TMEM131: variants seen among roughly 807,000 people sequenced by gnomAD.
TMEM131 encodes the protein 2610524E03Rik.
Under a neutral mutation model 211.6 loss-of-function variants are expected in TMEM131, and 66 were observed. The observed-to-expected ratio is 0.31, with a 90% CI of 0.26 to 0.38. The LOEUF is 0.38. Ranked by LOEUF, TMEM131 falls within the 10% of genes least tolerant of loss-of-function variation. TMEM131 has a pLI of 1.00. For synonymous variants in TMEM131, 844 were observed against 841.3 expected, an observed-to-expected ratio of 1.00 and a Z score of -0.06; for missense variants, 2,036 against 2,299.3, an observed-to-expected ratio of 0.89 and a Z score of 2.34.
At chr2:97,941,746 A>T (rs924318154) in intron 1 of TMEM131, among the ~76,000 whole-genome samples, 2 of 152,246 alleles carry the variant, frequency 1.3e-5, no homozygotes, top group Non-Finnish European at 2.9e-5. Context: ...ACTGGCCATC[A>T]GAGAAATGCA....
intron 7 of TMEM131, among the ~76,000 whole-genome samples, chr2:97,838,420 CTTAAACTTT>C (rs1683031996): frequency 7.4e-6 from 1 of 134,384 alleles, no homozygotes; most frequent in African/African-American, 2.9e-5. Flanking sequence ...AATTCTTAAG[CTTAAACTTT>C]TTTTTTTTTT....
At chr2:97,778,775 C>T (rs1303949360) in intron 31 of TMEM131, among the ~76,000 whole-genome samples, 1 of 152,154 alleles carries the variant, frequency 6.6e-6, no homozygotes, top group East Asian at 1.9e-4. Flanking sequence ...TAGAATGTAG[C>T]TCCTGCCAGG....
At chr2:97,826,371 G>A (rs988965792) in intron 11 of TMEM131, among the ~76,000 whole-genome samples, 7 of 152,218 alleles carry the variant, frequency 4.6e-5, no homozygotes, top group African/African-American at 1.4e-4. Context: ...AAGAAAGGGA[G>A]TTCCTAACCT....
At chr2:97,913,266 C>A (rs1019443635) in intron 2 of TMEM131, 2 of 152,222 alleles carry the variant, frequency 1.3e-5, no homozygotes, top group East Asian at 3.8e-4. Flanking sequence ...CAGGCCAAGA[C>A]TGAACATCGT....
intron 1 of TMEM131, among the ~76,000 whole-genome samples, chr2:97,994,554 G>A (rs1259443153): frequency 6.6e-6 from 1 of 152,008 alleles, no homozygotes; most frequent in African/African-American, 2.4e-5. Context: ...TTCTTGTACA[G>A]GCAGTTTCAT....
At chr2:97,787,220 C>T (rs7570009) in intron 31 of TMEM131, among the ~76,000 whole-genome samples, 41,206 of 152,166 alleles carry the variant, frequency 0.27, 6,115 homozygotes, top group Middle Eastern at 0.36. Context: ...TCACTACATG[C>T]TGTGTAATGA....
intron 33 of TMEM131, 21 bp downstream of exon 33, chr2:97,772,276 C>A (rs776564195): frequency 6.3e-7 from 1 of 1,592,402 alleles, no homozygotes; most frequent in Admixed American, 1.9e-5. Flanking sequence ...CCTTATTTCT[C>A]TGTACACTTA....
At chr2:97,907,265 C>T (rs967342593) in intron 3 of TMEM131, 5 of 151,970 alleles carry the variant, frequency 3.3e-5, no homozygotes, top group African/African-American at 1.2e-4. Flanking sequence ...CAGGTCCCAA[C>T]AGGGCATATA....
intron 3 of TMEM131, among the ~76,000 whole-genome samples, chr2:97,894,813 C>T (rs1489126077): frequency 6.6e-6 from 1 of 152,118 alleles, no homozygotes; most frequent in African/African-American, 2.4e-5. Flanking sequence ...ATTTCATCTG[C>T]GAACAGAGAC....
intron 5 of TMEM131, among the ~76,000 whole-genome samples, chr2:97,853,077 G>A (rs1055308065): frequency 2.0e-5 from 3 of 152,210 alleles, no homozygotes; most frequent in Non-Finnish European, 2.9e-5. Context: ...TCACCCAGGA[G>A]CTCTGATGAA....
intron 4 of TMEM131, among the ~76,000 whole-genome samples, chr2:97,884,263 A>T (rs1002474488): frequency 6.6e-6 from 1 of 152,124 alleles, no homozygotes; most frequent in Non-Finnish European, 1.5e-5. Flanking sequence ...TCTAGTTTTA[A>T]ATTCCATTGT....
rs771542447 is a variant in TMEM131, at chr2:97,766,113, C to A, written c.4723+1G>T. On this transcript the variant is annotated splice_donor_variant, in intron 35 of 40. Coordinates refer to ENST00000186436, the MANE Select transcript of TMEM131 (RefSeq NM_015348.2). LOFTEE classifies it high-confidence loss of function. ...TGTGGTTTCTAAACTACTATACTTA[C>A]AGCTGCCAGGTTTGTGAACTGGAAC... is the stretch of plus-strand genomic sequence containing the variant. The A allele has an allele frequency of 1.2e-5, 19 of 1,613,856 alleles. No individual in the cohort carries two copies. The highest frequency in any genetic ancestry group is 1.5e-5 in the Non-Finnish European group (18 of 1,179,858).
At chr2:97,831,962 C>T (rs1158350320) in intron 11 of TMEM131, among the ~76,000 whole-genome samples, 2 of 122,816 alleles carry the variant, frequency 1.6e-5, no homozygotes, top group Non-Finnish European at 3.2e-5. Flanking sequence ...GCCACCATGC[C>T]TGGCCTATTT....
intron 24 of TMEM131, 53 bp downstream of exon 24, chr2:97,802,375 A>C (rs1681074383): frequency 4.6e-6 from 6 of 1,307,570 alleles, no homozygotes; most frequent in African/African-American, 1.5e-5. Flanking sequence ...AGTGAATAAA[A>C]TACTAATTCA....
chr2:97,812,336 G>A, intron 17 of TMEM131, 85 bp downstream of exon 17: 1 of 1,411,664 alleles, frequency 7.1e-7, no homozygotes, highest in South Asian at 1.4e-5. Flanking sequence ...AAAAATAATA[G>A]TGATACATGT....
intron 25 of TMEM131, among the ~76,000 whole-genome samples, chr2:97,800,472 G>A (rs1006041441): frequency 6.6e-6 from 1 of 151,970 alleles, no homozygotes; most frequent in East Asian, 1.9e-4. Context: ...AGAGTGGGCC[G>A]GGCACTGTGG....
At chr2:97,960,356 T>G (rs1030697288) in intron 1 of TMEM131, among the ~76,000 whole-genome samples, 2 of 152,300 alleles carry the variant, frequency 1.3e-5, no homozygotes, top group East Asian at 3.9e-4. Context: ...ATCCACCTTC[T>G]TCATGTTTAA....
intron 1 of TMEM131, among the ~76,000 whole-genome samples, chr2:97,988,775 G>C (rs888391701): frequency 3.5e-4 from 54 of 152,282 alleles, no homozygotes; most frequent in Admixed American, 2.9e-3. Context: ...CTGTTGGCAA[G>C]GGCATGGAGA....
At chr2:97,896,706 G>A (rs1246015662) in intron 3 of TMEM131, among the ~76,000 whole-genome samples, 3 of 151,808 alleles carry the variant, frequency 2.0e-5, no homozygotes, top group Non-Finnish European at 4.4e-5. Context: ...GAGTATTCTT[G>A]TGCCATTGAA....
Sources: gnomAD v4.1 joint callset for allele counts (sites outside exome capture counted in the v4.1 genomes callset) on GRCh38, gnomAD v4.1.1 for gene constraint, MANE v1.5 for transcripts, NCBI Gene and HGNC (gene_info 2026-07-23, HGNC 2026-07-21) for gene names.